The following SHROOM3 variants were observed in gnomAD, a reference collection of about 807,000 sequenced individuals.
SHROOM3 encodes the protein shroom family member 3, also known as protein Shroom3.
Under a neutral mutation model 138.6 loss-of-function variants are expected in SHROOM3, and 47 were observed. The observed-to-expected ratio is 0.34, with a 90% confidence interval of 0.27 to 0.43. The LOEUF is 0.43. Among genes scored for constraint, SHROOM3 ranks in the 20% least tolerant of loss-of-function variants. The probability of loss-of-function intolerance (pLI) is 1.00; values close to 1 mark genes in which losing one functional copy is unlikely to be tolerated. For synonymous variants in SHROOM3, 1,062 were observed against 1,063.3 expected (o/e 1.00, Z 0.02); for missense variants, 2,491 against 2,596.5 (o/e 0.96, Z 0.88).
chr4:76,765,610 G>A (rs530626654), intron 9 of SHROOM3, among the ~76,000 whole-genome samples: 1 of 152,148 alleles, frequency 6.6e-6, no homozygotes, highest in African/African-American at 2.4e-5. Context: ...GACACACAGA[G>A]GCCAACTGTG....
chr4:76,495,108 A>G (rs1044417292), intron 1 of SHROOM3, among the ~76,000 whole-genome samples: 1 of 152,242 alleles, frequency 6.6e-6, no homozygotes, highest in Non-Finnish European at 1.5e-5. Context: ...GATAGATCAC[A>G]CTGGGTTAGG....
intron 1 of SHROOM3, among the ~76,000 whole-genome samples, chr4:76,457,495 A>ATT (rs763634018): frequency 1.2e-3 from 167 of 142,538 alleles, no homozygotes; most frequent in African/African-American, 3.9e-3. Flanking sequence ...TTTCTTTATA[A>ATT]TTTTTTTTTT....
chr4:76,561,958 C>T (rs1733606879), intron 2 of SHROOM3, among the ~76,000 whole-genome samples: 1 of 152,000 alleles, frequency 6.6e-6, no homozygotes, highest in Non-Finnish European at 1.5e-5. Flanking sequence ...TTACGGTGAG[C>T]CAAGATCCCG....
At chr4:76,715,186 T>C (rs1011879689) in intron 3 of SHROOM3, among the ~76,000 whole-genome samples, 1 of 152,172 alleles carries the variant, frequency 6.6e-6, no homozygotes, top group African/African-American at 2.4e-5. Flanking sequence ...GTAACAGGTA[T>C]ATATATATTC....
chr4:76,699,812 G>A (rs956500205), intron 2 of SHROOM3, among the ~76,000 whole-genome samples: 1 of 152,144 alleles, frequency 6.6e-6, no homozygotes, highest in Non-Finnish European at 1.5e-5. Context: ...TATTTGGACT[G>A]GGATGTGTTC....
intron 1 of SHROOM3, among the ~76,000 whole-genome samples, chr4:76,453,240 C>T (rs116470923): frequency 0.014 from 2,138 of 152,076 alleles, 21 homozygotes; most frequent in Non-Finnish European, 0.022. Flanking sequence ...TCCTTGCAAA[C>T]GCTTGATATT....
intron 1 of SHROOM3, among the ~76,000 whole-genome samples, chr4:76,471,750 A>G (rs1010632138): frequency 1.2e-4 from 18 of 152,188 alleles, no homozygotes; most frequent in African/African-American, 4.1e-4. Context: ...TTTTTTGAAC[A>G]CTTACTGCTC....
intron 2 of SHROOM3, among the ~76,000 whole-genome samples, chr4:76,636,970 G>A (rs1047694401): frequency 3.3e-5 from 5 of 152,106 alleles, no homozygotes; most frequent in African/African-American, 1.2e-4. Flanking sequence ...TAGAAGTTTG[G>A]TGATGTTTTT....
intron 1 of SHROOM3, among the ~76,000 whole-genome samples, chr4:76,479,324 G>A (rs1054179111): frequency 6.6e-6 from 1 of 151,788 alleles, no homozygotes. Flanking sequence ...CAAGAATGTT[G>A]TGAAGCATAT....
At chr4:76,476,687 A>G (rs1194746751) in intron 1 of SHROOM3, among the ~76,000 whole-genome samples, 2 of 152,268 alleles carry the variant, frequency 1.3e-5, no homozygotes, top group East Asian at 3.9e-4. Context: ...TTACTAAAAC[A>G]TTTTCCTTTT....
chr4:76,740,861 C>A lies in SHROOM3; in HGVS notation c.2688C>A (p.Ser896Arg), dbSNP rs113001394. 9 of 1,560,488 alleles carry A rather than the reference C, an allele frequency of 5.8e-6. No homozygotes were observed. The African/African-American group carries it at 9.6e-5, about 17-fold the overall frequency. ...LRSQSTFQLSSEPEREPEWRD... is the reference protein window; with the variant it reads ...LRSQSTFQLSREPEREPEWRD... ...GCCAGAGCACCTTCCAGCTCTCCAG[C>A]GAGCCAGAGAGGGAGCCCGAGTGGC... is the stretch of plus-strand genomic sequence containing the variant. Residue 896 changes from serine to arginine, a missense_variant, in exon 5 of 11, where the codon AGC becomes AGA. Around this residue, in one of 4 missense-constraint regions of SHROOM3, gnomAD observed 1,733 missense variants for 1,661.6 expected, o/e 1.04. Coordinates refer to ENST00000296043, the MANE Select transcript of SHROOM3 (RefSeq NM_020859.4). The surrounding 1 kb of genome is among the most constrained non-coding windows in gnomAD (Gnocchi z 4.0).
intron 1 of SHROOM3, among the ~76,000 whole-genome samples, chr4:76,450,470 A>G (rs1484134621): frequency 6.6e-6 from 1 of 152,240 alleles, no homozygotes; most frequent in Non-Finnish European, 1.5e-5. Flanking sequence ...ACAATTTTTC[A>G]TAAATAGAAA....
intron 1 of SHROOM3, among the ~76,000 whole-genome samples, chr4:76,476,771 A>G (rs1351432399): frequency 2.6e-5 from 4 of 152,188 alleles, no homozygotes; most frequent in South Asian, 2.1e-4. Context: ...TCCCTCACAT[A>G]TAACCTGATG....
intron 2 of SHROOM3, among the ~76,000 whole-genome samples, chr4:76,615,193 T>C (rs574864322): frequency 1.3e-5 from 2 of 152,320 alleles, no homozygotes; most frequent in Non-Finnish European, 2.9e-5. Context: ...TCAACATTTT[T>C]CCCCTTTTCC....
intron 6 of SHROOM3, 136 bp downstream of exon 6, chr4:76,749,226 T>A: frequency 1.3e-6 from 1 of 779,678 alleles, no homozygotes; most frequent in Non-Finnish European, 2.0e-6. Flanking sequence ...AGGCCATGGA[T>A]AACTTTTTTT....
chr4:76,568,319 C>T (rs1733769815), intron 2 of SHROOM3, among the ~76,000 whole-genome samples: 4 of 152,172 alleles, frequency 2.6e-5, no homozygotes, highest in Admixed American at 2.6e-4. Context: ...GTTTCCCCTT[C>T]ACGGGTATAA....
chr4:76,728,945 C>T lies in SHROOM3; in HGVS notation c.456-1859C>T, dbSNP rs1322941938. 2.0e-5 allele frequency among the ~76,000 whole-genome samples: 3 copies of T among 152,298 alleles called. No homozygotes were observed. The East Asian group carries it at 5.8e-4, about 29-fold the overall frequency. On this transcript the variant is annotated intron_variant, in intron 3 of 10. Transcript: ENST00000296043. Reference sequence around the variant, plus strand: ...GCCTCATCAGCACCAGCAGTTCCTGCCCATTCTTGTCTCCCTCATCATTTA... The same window carrying T: ...GCCTCATCAGCACCAGCAGTTCCTGTCCATTCTTGTCTCCCTCATCATTTA...
At chr4:76,439,673 G>A (rs1379771532) in intron 1 of SHROOM3, among the ~76,000 whole-genome samples, 1 of 152,124 alleles carries the variant, frequency 6.6e-6, no homozygotes, top group Non-Finnish European at 1.5e-5. Flanking sequence ...GGGAAGGGAA[G>A]GGATAGTACA....
chr4:76,524,181 C>T (rs921889305), intron 1 of SHROOM3, among the ~76,000 whole-genome samples: 3 of 152,264 alleles, frequency 2.0e-5, no homozygotes, highest in Middle Eastern at 6.8e-3. Context: ...TCTGTATATG[C>T]CGAGGAAGAA....
Sources: gnomAD v4.1 joint callset for allele counts (sites outside exome capture counted in the v4.1 genomes callset) on GRCh38, gnomAD v4.1.1 for gene constraint, gnomAD v4.1.1 regional missense constraint, Gnocchi (gnomAD v3.1) non-coding constraint, MANE v1.5 for transcripts, NCBI Gene and HGNC (gene_info 2026-07-23, HGNC 2026-07-21) for gene names.